The following AGMAT variants were observed in gnomAD, a reference collection of about 807,000 sequenced individuals.
AGMAT encodes agmatinase (putative), also known as guanidino acid hydrolase, mitochondrial.
A neutral mutation model predicts 29.3 loss-of-function variants in AGMAT; 37 were observed. The ratio of observed to expected loss-of-function variants is 1.26; its 90% CI spans 0.97 to 1.66. The LOEUF (loss-of-function observed/expected upper bound fraction) is 1.66, where lower values mean the gene tolerates loss of function less well. Ranked by LOEUF, AGMAT falls within the 40% of genes most tolerant of loss-of-function variation. The pLI is 0.00. For missense variants in AGMAT, 498 were observed against 497.8 expected (o/e 1.00, Z 0.00); for synonymous variants, 199 against 200.8 (o/e 0.99, Z 0.08).
At chr1:15,574,866 T>A (rs1249681669) in intron 5 of AGMAT, 25 bp from the exon 6 acceptor site, 2 of 1,585,734 alleles carry the variant, frequency 1.3e-6, no homozygotes, top group South Asian at 2.2e-5. Flanking sequence ...GACTGAGTTG[T>A]CCACAGTGGT....
In AGMAT at chr1:15,584,936, C is replaced by G; in HGVS notation, c.32G>C (p.Arg11Pro). 7.3e-7 allele frequency: 1 copy of G among 1,365,760 alleles called. No homozygotes were observed. Among genetic ancestry groups the G allele is most frequent in the African/African-American group, 1.5e-5 (1 of 65,420 alleles). The allele number at this position is 1,365,760 out of a possible 1,614,324, so 84.6% of individuals were successfully genotyped here. The change falls in exon 1 of 7, where the codon CGG becomes CCG. Residue 11 changes from arginine (R) to proline (P), a missense_variant. By Grantham distance (103) the Arg-to-Pro change is moderately radical (BLOSUM62 -2). Transcript: ENST00000375826. ...CGCGCCCACGCCGGGCCCCGGGCCC[C>G]GGGCGCACCCGGACGCCAGCAGCCT... MLRLLASGCA[R>P]GPGPGVGARP...
At chr1:15,584,338 G>T (rs904504982) in intron 1 of AGMAT, among the ~76,000 whole-genome samples, 1 of 150,730 alleles carries the variant, frequency 6.6e-6, no homozygotes, top group Non-Finnish European at 1.5e-5. Context: ...CCTTTGTAGA[G>T]ACAGAGTTTC....
At chr1:15,578,795 C>A in intron 4 of AGMAT, 64 bp downstream of exon 4, 1 of 1,564,206 alleles carries the variant, frequency 6.4e-7, no homozygotes, top group Admixed American at 1.8e-5. Context: ...CTGGCTGCCA[C>A]TGGTGAGGCA....
chr1:15,583,366 G>A lies in AGMAT; in HGVS notation c.302C>T (p.Ser101Leu), dbSNP rs1406856994. ...RFGPRRIREE[S>L]VMLGTVNPST... is the part of the protein sequence containing the mutation. Reference sequence around the variant, plus strand: ...AGGATTGACTGTCCCAAGCATCACTGATTCTTCCCGGATGCGGCGAGGTCC... The same window carrying A: ...AGGATTGACTGTCCCAAGCATCACTAATTCTTCCCGGATGCGGCGAGGTCC... Residue 101 changes from serine to leucine, a missense_variant, in exon 2 of 7, where the codon TCA (serine) becomes TTA (leucine). Transcript: ENST00000375826. 1.2e-6 allele frequency: 2 copies of A among 1,614,062 alleles called. No homozygotes were observed. Among genetic ancestry groups the A allele is most frequent in the South Asian group, 1.1e-5 (1 of 91,064 alleles).
chr1:15,579,192 G>C, intron 3 of AGMAT, 138 bp from the exon 4 acceptor site: 1 of 738,238 alleles, frequency 1.4e-6, no homozygotes, highest in Non-Finnish European at 2.2e-6. Context: ...CTTGCAACTG[G>C]TTCCTGTCTT....
In AGMAT at chr1:15,572,905, C is replaced by T. The variant is rs990985118; in HGVS notation, c.*746G>A. The T allele has an allele frequency of 3.3e-5, 5 of 150,770 alleles. No individual in the cohort carries two copies. The highest frequency in any genetic ancestry group is 1.9e-4 in the East Asian group (1 of 5,132). 9.3% of individuals were successfully genotyped at this position (150,770 alleles called of 1,614,324 possible). A position where few individuals can be genotyped will look rare whatever the true frequency, so the allele number is the denominator to read the frequency against. On this transcript the variant is annotated 3_prime_UTR_variant, in exon 7 of 7. Transcript: ENST00000375826. ...TGCGATCTCAGCTCACTGCAGCGTC[C>T]GAGGAGGAGCTGTAGTTTAAAGGAA...
At chr1:15,584,102 C>G (rs954782722) in intron 1 of AGMAT, among the ~76,000 whole-genome samples, 1 of 152,128 alleles carries the variant, frequency 6.6e-6, no homozygotes, top group African/African-American at 2.4e-5. Context: ...CCAGCAAGGC[C>G]CCAGGATGGG....
chr1:15,577,652 C>T, intron 5 of AGMAT, 33 bp downstream of exon 5: 3 of 1,584,942 alleles, frequency 1.9e-6, no homozygotes, highest in South Asian at 2.3e-5. Context: ...AGTGTCTCCA[C>T]CCCCAGGATC....
At chr1:15,579,172 C>T (rs531418200) in intron 3 of AGMAT, 118 bp from the exon 4 acceptor site, 9 of 925,566 alleles carry the variant, frequency 9.7e-6, no homozygotes, top group Admixed American at 7.9e-5. Context: ...ACCTGGCATC[C>T]GTTTTCTGCC....
chr1:15,578,966 A>C lies in AGMAT; in HGVS notation c.613T>G (p.Phe205Val), dbSNP rs201480086. 6 of 1,614,008 alleles carry C rather than the reference A, an allele frequency of 3.7e-6. No homozygotes were observed. Among genetic ancestry groups the C allele is most frequent in the Non-Finnish European group, 5.1e-6 (6 of 1,180,024 alleles). The change falls in exon 4 of 7, where the codon TTC becomes GTC. Residue 205 changes from phenylalanine (F) to valine (V), a missense_variant. Phe to Val is a conservative substitution (Grantham distance 50, BLOSUM62 -1). Transcript: ENST00000375826. ...AGACCCTCATCCACACACCGGCGGA[A>C]GGGCGCCCCGTGGTAGAGCTTCTCT... ...LGEKLYHGAP[F>V]RRCVDEGLLD...
intron 6 of AGMAT, among the ~76,000 whole-genome samples, chr1:15,574,019 G>A (rs946523169): frequency 9.2e-5 from 14 of 152,202 alleles, no homozygotes; most frequent in Admixed American, 8.5e-4. Flanking sequence ...ATCCTCTGAG[G>A]TCGATAGGCC....
chr1:15,579,980 G>T, intron 3 of AGMAT, 114 bp downstream of exon 3: 1 of 924,226 alleles, frequency 1.1e-6, no homozygotes, highest in Non-Finnish European at 1.8e-6. Flanking sequence ...ATCCCCAGAA[G>T]CAGCTCATAA....
rs1638989510 is a variant in AGMAT at position 15,573,503 on chromosome 1, T to C, written c.*148A>G. On this transcript the variant is annotated 3_prime_UTR_variant, in exon 7 of 7. Coordinates refer to ENST00000375826, the MANE Select transcript of AGMAT (RefSeq NM_024758.5). The stretch of plus-strand genomic sequence containing the variant: ...GTTGCTGTTTGGGTGAGAATTCTAC[T>C]GATTATCCCGACTTCACAGCCAGCA... The C allele has an allele frequency of 1.5e-6, 1 of 647,246 alleles. No homozygotes were observed. The highest frequency in any genetic ancestry group is 1.8e-5 in the African/African-American group (1 of 54,636). The allele number at this position is 647,246 out of a possible 1,614,324, so 40.1% of individuals were successfully genotyped here.
intron 2 of AGMAT, among the ~76,000 whole-genome samples, chr1:15,582,975 G>A (rs1245969862): frequency 1.3e-5 from 2 of 152,200 alleles, no homozygotes; most frequent in Non-Finnish European, 2.9e-5. Context: ...TCCAGTCTGG[G>A]TAACAGAGTG....
chr1:15,578,575 G>A (rs537041863), intron 4 of AGMAT, among the ~76,000 whole-genome samples: 2 of 152,042 alleles, frequency 1.3e-5, no homozygotes, highest in African/African-American at 4.8e-5. Flanking sequence ...GATTACAGGT[G>A]TGAGCCACTG....
At chr1:15,584,245 C>A (rs1352539894) in intron 1 of AGMAT, among the ~76,000 whole-genome samples, 1 of 152,218 alleles carries the variant, frequency 6.6e-6, no homozygotes, top group Non-Finnish European at 1.5e-5. Flanking sequence ...CGGGTTCAAG[C>A]GATTCTCCTG....
Position 15,577,745 on chromosome 1 carries a change from C to A in AGMAT, c.840G>T (p.Leu280=), listed in dbSNP as rs1639059219. Residue 280 remains leucine (L), a synonymous_variant, in exon 5 of 7, where the codon CTG becomes CTT. Coordinates refer to ENST00000375826, the MANE Select transcript of AGMAT (RefSeq NM_024758.5). ...PIYISFDIDA[L]DPAYAPGTGT... is the part of the protein sequence containing the mutation. ...CTGTCCCTGGCGCATAGGCAGGATC[C>A]AGAGCGTCAATATCAAAGCTGATAT... 6.2e-7 allele frequency: 1 copy of A among 1,614,050 alleles called. No homozygotes were observed. Among genetic ancestry groups the A allele is most frequent in the Non-Finnish European group, 8.5e-7 (1 of 1,180,034 alleles).
At chr1:15,578,788 G>T in intron 4 of AGMAT, 71 bp downstream of exon 4, 1 of 1,531,698 alleles carries the variant, frequency 6.5e-7, no homozygotes, top group Non-Finnish European at 8.9e-7. Context: ...TCAATCCCTG[G>T]CTGCCACTGG....
intron 2 of AGMAT, among the ~76,000 whole-genome samples, chr1:15,580,930 G>A (rs1002547997): frequency 3.3e-5 from 5 of 152,062 alleles, no homozygotes; most frequent in South Asian, 4.1e-4. Flanking sequence ...AGCCAAGATC[G>A]CGCCACTGCA....
Sources: allele counts gnomAD v4.1 joint callset (sites outside exome capture counted in the v4.1 genomes callset), GRCh38; gene constraint gnomAD v4.1.1; transcripts MANE v1.5; gene names NCBI Gene and HGNC (gene_info 2026-07-23, HGNC 2026-07-21).